DCC: variants seen among roughly 807,000 people sequenced by gnomAD.
DCC encodes netrin receptor DCC.
Under a neutral mutation model 172.5 loss-of-function variants are expected in DCC, and 58 were observed. The observed-to-expected ratio is 0.34, with a 90% confidence interval of 0.27 to 0.42. The LOEUF (loss-of-function observed/expected upper bound fraction) is 0.42, where lower values mean the gene tolerates loss of function less well. Ranked by LOEUF, DCC falls within the 10% of genes least tolerant of loss-of-function variation. The probability of loss-of-function intolerance (pLI) is 1.00; values close to 1 mark genes in which losing one functional copy is unlikely to be tolerated. For synonymous variants in DCC, 709 were observed against 644.5 expected (o/e 1.10, Z -1.52); for missense variants, 1,740 against 1,791.0 (o/e 0.97, Z 0.51).
At chr18:52,405,493 C>T (rs1481027758) in intron 1 of DCC, among the ~76,000 whole-genome samples, 1 of 150,618 alleles carries the variant, frequency 6.6e-6, no homozygotes, top group East Asian at 2.0e-4. Flanking sequence ...GTCCTTCGCC[C>T]ACTTTTTGAT....
chr18:52,938,825 A>G (rs1377881252), intron 5 of DCC, among the ~76,000 whole-genome samples: 2 of 152,012 alleles, frequency 1.3e-5, no homozygotes, highest in Admixed American at 1.3e-4. Context: ...ATATATTTCA[A>G]ATCTGTCCAC....
chr18:52,640,335 A>C (rs1363614193), intron 1 of DCC, among the ~76,000 whole-genome samples: 1 of 152,198 alleles, frequency 6.6e-6, no homozygotes, highest in East Asian at 1.9e-4. Context: ...CCCCTCTTCA[A>C]CATAGTATTG....
intron 12 of DCC, among the ~76,000 whole-genome samples, chr18:53,279,782 C>G (rs1393469533): frequency 6.6e-6 from 1 of 152,030 alleles, no homozygotes; most frequent in Non-Finnish European, 1.5e-5. Context: ...ATATTCTTGG[C>G]CGCAACATGG....
At chr18:52,838,289 T>C (rs2038748226) in intron 2 of DCC, among the ~76,000 whole-genome samples, 1 of 152,232 alleles carries the variant, frequency 6.6e-6, no homozygotes, top group South Asian at 2.1e-4. Flanking sequence ...GAATATTTTA[T>C]GTTGACATTT....
intron 7 of DCC, among the ~76,000 whole-genome samples, chr18:53,103,873 C>T (rs1236744801): frequency 7.2e-5 from 11 of 151,828 alleles, no homozygotes; most frequent in Non-Finnish European, 8.8e-5. Context: ...TTAACTGGAC[C>T]AATACATGGG....
At chr18:52,548,900 G>C (rs532206578) in intron 1 of DCC, among the ~76,000 whole-genome samples, 2 of 152,190 alleles carry the variant, frequency 1.3e-5, no homozygotes, top group East Asian at 3.9e-4. Context: ...TTTAGACATT[G>C]AGATTCTAAA....
intron 22 of DCC, among the ~76,000 whole-genome samples, chr18:53,438,757 T>A (rs1001647301): frequency 1.3e-5 from 2 of 152,216 alleles, no homozygotes; most frequent in African/African-American, 4.8e-5. Context: ...AGGTGTCAGA[T>A]GTTAGAAGAA....
chr18:53,042,037 C>T (rs559085330), intron 5 of DCC, among the ~76,000 whole-genome samples: 2 of 152,096 alleles, frequency 1.3e-5, no homozygotes, highest in Admixed American at 1.3e-4. Context: ...ACTTCCAATA[C>T]TGTGTTGAAC....
At chr18:52,763,601 T>A (rs2037196940) in intron 2 of DCC, among the ~76,000 whole-genome samples, 1 of 152,240 alleles carries the variant, frequency 6.6e-6, no homozygotes, top group South Asian at 2.1e-4. Flanking sequence ...TATCTGGGAT[T>A]TGTTTATTTG....
intron 15 of DCC, among the ~76,000 whole-genome samples, 194 bp from the exon 16 acceptor site, chr18:53,385,849 T>C (rs1908126138): frequency 6.6e-6 from 1 of 152,194 alleles, no homozygotes; most frequent in African/African-American, 2.4e-5. Flanking sequence ...TGTTTTCATA[T>C]GGGGATTGAG....
At chr18:52,724,006 C>G (rs2036514441) in intron 1 of DCC, among the ~76,000 whole-genome samples, 1 of 152,162 alleles carries the variant, frequency 6.6e-6, no homozygotes, top group Non-Finnish European at 1.5e-5. Context: ...TTCAAAGGTA[C>G]AGATGAGTAT....
chr18:52,965,957 T>C (rs555295260), intron 5 of DCC, among the ~76,000 whole-genome samples: 4 of 152,302 alleles, frequency 2.6e-5, no homozygotes, highest in African/African-American at 9.6e-5. Flanking sequence ...ATTTTCTCAG[T>C]ACATTCAATA....
At chr18:53,473,760 A>C (rs2045726953) in intron 25 of DCC, among the ~76,000 whole-genome samples, 1 of 152,218 alleles carries the variant, frequency 6.6e-6, no homozygotes, top group African/African-American at 2.4e-5. Flanking sequence ...TCCAAAGATA[A>C]ATATGGCTTT....
Position 52,919,074 on chromosome 18 carries a change from C to G in DCC, c.698-4633C>G, listed in dbSNP as rs185101981. Among the ~76,000 whole-genome samples, 173 of 152,304 alleles carry G rather than the reference C, an allele frequency of 1.1e-3. 1 individual carries two copies. The East Asian group carries it at 0.017, about 15-fold the overall frequency. Reference sequence around the variant, plus strand: ...ATGGCCTCACTCACATGCCCGACAGCTAGTGCTGGCTGTTGACTGAGTGCC... The same window carrying G: ...ATGGCCTCACTCACATGCCCGACAGGTAGTGCTGGCTGTTGACTGAGTGCC... On this transcript the variant is annotated intron_variant, in intron 3 of 28. Coordinates refer to ENST00000442544, the MANE Select transcript of DCC (RefSeq NM_005215.4).
At chr18:52,415,514 C>T (rs62083533) in intron 1 of DCC, among the ~76,000 whole-genome samples, 13,273 of 152,164 alleles carry the variant, frequency 0.087, 609 homozygotes, top group Non-Finnish European at 0.096. Context: ...TGGCAGGCAC[C>T]TTGCCCTCAA....
chr18:52,691,326 C>T (rs565556397), intron 1 of DCC, among the ~76,000 whole-genome samples: 1 of 152,242 alleles, frequency 6.6e-6, no homozygotes, highest in African/African-American at 2.4e-5. Context: ...AAGTTTGCTT[C>T]TATGACCCTC....
intron 1 of DCC, among the ~76,000 whole-genome samples, chr18:52,734,951 A>G (rs1266689592): frequency 6.6e-6 from 1 of 152,156 alleles, no homozygotes. Flanking sequence ...GAAAGCCCTG[A>G]TACTTGTAAA....
intron 5 of DCC, among the ~76,000 whole-genome samples, chr18:52,979,448 A>G (rs951508512): frequency 6.6e-6 from 1 of 152,204 alleles, no homozygotes; most frequent in Non-Finnish European, 1.5e-5. Context: ...TTCCAGTCAT[A>G]TACATGACAC....
At chr18:53,517,214 C>G (rs1237037617) in intron 27 of DCC, among the ~76,000 whole-genome samples, 1 of 146,932 alleles carries the variant, frequency 6.8e-6, no homozygotes, top group Admixed American at 6.8e-5. Flanking sequence ...AACCAAACAC[C>G]GCATATTCTC....
Sources: gnomAD v4.1 joint callset for allele counts (sites outside exome capture counted in the v4.1 genomes callset) on GRCh38, gnomAD v4.1.1 for gene constraint, MANE v1.5 for transcripts, NCBI Gene and HGNC (gene_info 2026-07-23, HGNC 2026-07-21) for gene names.